Variants in OPCML observed in about 807,000 individuals in gnomAD.
OPCML encodes the protein opioid-binding protein/cell adhesion molecule.
In OPCML, 13 loss-of-function variants were observed where a neutral mutation model predicts 37.8. The observed-to-expected ratio is 0.34, with a 90% confidence interval of 0.22 to 0.55. The LOEUF is 0.55. Among genes scored for constraint, OPCML ranks in the 20% least tolerant of loss-of-function variants. The pLI is 0.91. For synonymous variants in OPCML, 176 were observed against 168.8 expected (o/e 1.04, Z -0.33); for missense variants, 341 against 435.6 (o/e 0.78, Z 1.93).
intron 1 of OPCML, among the ~76,000 whole-genome samples, chr11:132,968,971 C>A (rs1039901280): frequency 6.6e-6 from 1 of 152,022 alleles, no homozygotes; most frequent in Non-Finnish European, 1.5e-5. Flanking sequence ...CTAGTTTTCA[C>A]CTTCATTTTT....
intron 1 of OPCML, among the ~76,000 whole-genome samples, chr11:133,214,448 T>C (rs369106630): frequency 3.9e-5 from 6 of 152,240 alleles, no homozygotes; most frequent in African/African-American, 1.2e-4. Flanking sequence ...TGCATTTAGC[T>C]TTCACTGAAA....
At position 133,042,715 on chromosome 11, in the gene OPCML, G is replaced by A. The variant is rs183425357; in HGVS notation, c.62-99705C>T. Among the ~76,000 whole-genome samples, 399 of 152,284 alleles carry A rather than the reference G, an allele frequency of 2.6e-3. 2 individuals carry two copies. The highest frequency in any genetic ancestry group is 9.3e-3 in the African/African-American group (385 of 41,564). ...CTTCCAGGGAACCACAGGGGTAGAC[G>A]CTGGCTGGTTTCCAAACGTTATCGG... On this transcript the variant is annotated intron_variant, in intron 1 of 7. Coordinates refer to ENST00000524381, the MANE Select transcript of OPCML (RefSeq NM_001012393.5).
At chr11:132,925,336 G>A (rs1260086303) in intron 2 of OPCML, among the ~76,000 whole-genome samples, 1 of 152,200 alleles carries the variant, frequency 6.6e-6, no homozygotes, top group African/African-American at 2.4e-5. Context: ...GGGTAAAGTA[G>A]GGTATTTCCC....
intron 3 of OPCML, among the ~76,000 whole-genome samples, chr11:132,604,094 A>T (rs760494437): frequency 2.0e-5 from 3 of 152,124 alleles, no homozygotes; most frequent in Non-Finnish European, 4.4e-5. Context: ...TTAGCAAATG[A>T]TTCTAAATAT....
At chr11:132,696,382 T>C (rs1437613667) in intron 2 of OPCML, among the ~76,000 whole-genome samples, 1 of 152,124 alleles carries the variant, frequency 6.6e-6, no homozygotes, top group Admixed American at 6.5e-5. Context: ...ATAAAACTAG[T>C]AAATTTTTTA....
chr11:132,633,208 TCTC>T (rs1316221331), intron 3 of OPCML, among the ~76,000 whole-genome samples: 1 of 152,042 alleles, frequency 6.6e-6, no homozygotes, highest in East Asian at 1.9e-4. Context: ...GGTAGCTCTC[TCTC>T]TTTTTTTCTG....
chr11:132,559,539 G>A (rs143928096), intron 3 of OPCML, among the ~76,000 whole-genome samples: 24 of 152,202 alleles, frequency 1.6e-4, no homozygotes, highest in Non-Finnish European at 3.1e-4. Context: ...CTTTTTATTA[G>A]TACTTCTTTT....
At chr11:133,223,989 G>A (rs1939938911) in intron 1 of OPCML, among the ~76,000 whole-genome samples, 1 of 152,210 alleles carries the variant, frequency 6.6e-6, no homozygotes, top group Non-Finnish European at 1.5e-5. Flanking sequence ...TGGCCCGAGT[G>A]TATTTGGGTA....
intron 2 of OPCML, among the ~76,000 whole-genome samples, chr11:132,695,889 T>A (rs1038705775): frequency 2.6e-5 from 4 of 152,096 alleles, no homozygotes; most frequent in African/African-American, 9.7e-5. Context: ...AGCACAAGTG[T>A]GAACTTGTCA....
At chr11:133,445,228 T>G (rs1405398709) in intron 1 of OPCML, among the ~76,000 whole-genome samples, 1 of 152,188 alleles carries the variant, frequency 6.6e-6, no homozygotes, top group African/African-American at 2.4e-5. Context: ...CCATAACCCA[T>G]CTACACAATT....
chr11:133,275,637 T>C (rs1342079529), intron 1 of OPCML, among the ~76,000 whole-genome samples: 1 of 152,210 alleles, frequency 6.6e-6, no homozygotes, highest in Non-Finnish European at 1.5e-5. Context: ...GAATGACAAG[T>C]TGAGATTAAT....
intron 1 of OPCML, among the ~76,000 whole-genome samples, chr11:133,266,366 C>T (rs2136468512): frequency 6.6e-6 from 1 of 152,274 alleles, no homozygotes; most frequent in South Asian, 2.1e-4. Context: ...CCAAGACCCC[C>T]AATCTTTCAT....
chr11:133,067,564 T>C (rs1948459765), intron 1 of OPCML: 2 of 152,332 alleles, frequency 1.3e-5, no homozygotes, highest in Middle Eastern at 3.4e-3. Context: ...ACTTTAGAGC[T>C]GCACTAGCCT....
chr11:133,422,377 T>TTTTATGTATATATATATATATA (rs1555156350), intron 1 of OPCML: 1 of 636,472 alleles, frequency 1.6e-6, no homozygotes, highest in African/African-American at 3.3e-5. Context: ...ACCAAAGACA[T>TTTTATGTATATATATATATATA]TATATATATA....
chr11:132,500,211 GA>G (rs1230991646), intron 4 of OPCML, among the ~76,000 whole-genome samples: 7 of 152,170 alleles, frequency 4.6e-5, no homozygotes, highest in African/African-American at 1.7e-4. Context: ...CCCTGCAAGT[GA>G]AATTGTTCAG....
intron 1 of OPCML, among the ~76,000 whole-genome samples, chr11:132,981,215 G>C (rs1487059672): frequency 2.6e-5 from 4 of 152,190 alleles, no homozygotes; most frequent in Non-Finnish European, 4.4e-5. Context: ...CAGAAGAAAT[G>C]GAAAAAGACA....
At chr11:133,255,798 C>T (rs1344590105) in intron 1 of OPCML, among the ~76,000 whole-genome samples, 1 of 152,016 alleles carries the variant, frequency 6.6e-6, no homozygotes, top group Non-Finnish European at 1.5e-5. Flanking sequence ...CTTAAAACCC[C>T]TATGGCTGGC....
intron 1 of OPCML, among the ~76,000 whole-genome samples, chr11:133,199,461 A>C (rs1391540452): frequency 6.6e-6 from 1 of 152,192 alleles, no homozygotes; most frequent in East Asian, 1.9e-4. Context: ...ACAGTCGCCT[A>C]GTGATGGAAA....
intron 1 of OPCML, among the ~76,000 whole-genome samples, chr11:133,386,871 G>C (rs920750532): frequency 2.6e-5 from 4 of 152,204 alleles, no homozygotes; most frequent in Non-Finnish European, 4.4e-5. Flanking sequence ...GTGACACTTA[G>C]GGGTGTCCGT....
Sources: gnomAD v4.1 joint callset for allele counts (sites outside exome capture counted in the v4.1 genomes callset) on GRCh38, gnomAD v4.1.1 for gene constraint, MANE v1.5 for transcripts, NCBI Gene and HGNC (gene_info 2026-07-23, HGNC 2026-07-21) for gene names.